MTAP: variants seen among roughly 807,000 people sequenced by gnomAD.
MTAP encodes the protein methylthioadenosine phosphorylase, also known as S-methyl-5'-thioadenosine phosphorylase.
A neutral mutation model predicts 33.6 loss-of-function variants in MTAP; 33 were observed. The observed-to-expected ratio is 0.98, with a 90% CI of 0.74 to 1.31. The LOEUF is 1.31. Among genes scored for constraint, MTAP ranks in the 40% most tolerant of loss-of-function variants. The probability of loss-of-function intolerance (pLI) is 0.00; values close to 1 mark genes in which losing one functional copy is unlikely to be tolerated. For synonymous variants in MTAP, 148 were observed against 125.7 expected, an observed-to-expected ratio of 1.18 and a Z score of -1.19; for missense variants, 367 against 360.0, an observed-to-expected ratio of 1.02 and a Z score of -0.16.
intron 1 of MTAP, chr9:21,812,094 C>T (rs1275875013): frequency 2.1e-5 from 5 of 235,332 alleles, no homozygotes; most frequent in Non-Finnish European, 3.4e-5. Flanking sequence ...AGTGGGCTCA[C>T]GCACCATGAG....
chr9:21,911,494 T>C lies in MTAP; in HGVS notation c.148-19514T>C, dbSNP rs997255745. On this transcript the variant is annotated intron_variant, in intron 1 of 1. Coordinates refer to the MTAP transcript ENST00000577563. ...AGAAACTCACACAAAACCGCTCAAC[T>C]ACATGTAAACTGAAGAACCTGCTCC... Among the ~76,000 whole-genome samples the C allele has an allele frequency of 3.3e-5, 5 of 152,158 alleles. No homozygotes were observed. In the South Asian group the frequency reaches 1.0e-3, roughly 32 times the overall value.
At chr9:21,858,614 C>G (rs1825686769) in intron 6 of MTAP, among the ~76,000 whole-genome samples, 1 of 152,164 alleles carries the variant, frequency 6.6e-6, no homozygotes, top group African/African-American at 2.4e-5. Flanking sequence ...GAGGATGCTG[C>G]TAAACCATTC....
intron 1 of MTAP, among the ~76,000 whole-genome samples, chr9:21,803,638 G>A (rs1219168882): frequency 6.6e-6 from 1 of 152,152 alleles, no homozygotes; most frequent in Non-Finnish European, 1.5e-5. Context: ...CTCCTGGTTA[G>A]TATTCCGAGA....
downstream of MTAP, among the ~76,000 whole-genome samples, chr9:21,938,813 A>C (rs1358041819): frequency 6.6e-6 from 1 of 152,230 alleles, no homozygotes; most frequent in Non-Finnish European, 1.5e-5. Context: ...TATGGAAAAT[A>C]TTGAAATGTG....
In MTAP at chr9:21,895,568, A is replaced by G. The variant is rs184341834; in HGVS notation, c.148-35440A>G. Among the ~76,000 whole-genome samples, 261 of 152,280 alleles carry G rather than the reference A, an allele frequency of 1.7e-3. 1 individual carries two copies. The South Asian group carries it at 0.025, about 14-fold the overall frequency. ...GGAATTCCCTTTCCTAGCAAGGGGA[A>G]GTTGTGACAGATGGTACCTGGAAAA... On this transcript the variant is annotated intron_variant, in intron 1 of 1. Transcript: ENST00000577563.
downstream of MTAP, among the ~76,000 whole-genome samples, chr9:21,868,194 A>C (rs1344971677): frequency 1.3e-5 from 2 of 152,320 alleles, no homozygotes; most frequent in East Asian, 3.9e-4. Flanking sequence ...TTTAATTGAT[A>C]TATTTTAAGG....
At chr9:21,909,665 A>G (rs1342930629) in intron 1 of MTAP, among the ~76,000 whole-genome samples, 2 of 152,112 alleles carry the variant, frequency 1.3e-5, no homozygotes, top group Non-Finnish European at 2.9e-5. Flanking sequence ...GAAAAGGGAG[A>G]GAAAGATTAA....
chr9:21,834,837 G>A (rs933924343), intron 4 of MTAP, among the ~76,000 whole-genome samples: 5 of 152,184 alleles, frequency 3.3e-5, no homozygotes, highest in South Asian at 2.1e-4. Flanking sequence ...GGACATCTTC[G>A]GAGGGGCCAT....
downstream of MTAP, among the ~76,000 whole-genome samples, chr9:21,867,720 G>A (rs151204612): frequency 2.5e-3 from 384 of 151,524 alleles, 4 homozygotes; most frequent in African/African-American, 8.3e-3. Flanking sequence ...AAAAGATGAC[G>A]ACAGCCTGAG....
At chr9:21,929,637 T>C (rs949002922) in intron 1 of MTAP, 7 of 298,974 alleles carry the variant, frequency 2.3e-5, no homozygotes, top group African/African-American at 4.2e-5. Context: ...ATCCAGCCTG[T>C]ACCAGAGATT....
At chr9:21,811,649 A>G (rs911887855) in intron 1 of MTAP, 1 of 522,612 alleles carries the variant, frequency 1.9e-6, no homozygotes, top group African/African-American at 1.9e-5. Flanking sequence ...GGCTCACTCA[A>G]ACTCTTCCTC....
At chr9:21,898,835 A>G (rs1028038964) in intron 1 of MTAP, among the ~76,000 whole-genome samples, 16 of 152,182 alleles carry the variant, frequency 1.1e-4, no homozygotes, top group African/African-American at 3.9e-4. Flanking sequence ...CGATTCCTCA[A>G]GGATCTAGAA....
chr9:21,897,094 G>T (rs187237788), intron 1 of MTAP, among the ~76,000 whole-genome samples: 1 of 152,090 alleles, frequency 6.6e-6, no homozygotes, highest in African/African-American at 2.4e-5. Context: ...ATCAATAAAC[G>T]TAATCCATTA....
At chr9:21,909,864 A>T (rs1001880117) in intron 1 of MTAP, among the ~76,000 whole-genome samples, 2 of 152,184 alleles carry the variant, frequency 1.3e-5, no homozygotes, top group Admixed American at 6.5e-5. Context: ...TCGGGATGTT[A>T]TGTAACTTGC....
chr9:21,855,007 A>G, intron 6 of MTAP, 137 bp downstream of exon 6: 1 of 1,193,366 alleles, frequency 8.4e-7, no homozygotes, highest in Non-Finnish European at 1.2e-6. Context: ...TATTTTCTGT[A>G]GTTCCATTGG....
intron 5 of MTAP, among the ~76,000 whole-genome samples, chr9:21,840,542 G>A (rs1206751367): frequency 2.6e-5 from 4 of 152,192 alleles, no homozygotes; most frequent in Non-Finnish European, 5.9e-5. Flanking sequence ...GATTTAGGGG[G>A]TTATGTGAAA....
chr9:21,861,465 C>T (rs1270243423), intron 7 of MTAP: 1 of 154,396 alleles, frequency 6.5e-6, no homozygotes, highest in Non-Finnish European at 1.4e-5. Flanking sequence ...CTAATAATCC[C>T]TTTTTCTGGG....
At chr9:21,802,930 C>A in intron 1 of MTAP, 149 bp downstream of exon 1, 1 of 1,429,478 alleles carries the variant, frequency 7.0e-7, no homozygotes, top group Non-Finnish European at 9.1e-7. Flanking sequence ...ACTCGGGACT[C>A]ACTTGCCGCG....
chr9:21,928,218 A>T (rs1244443334), intron 1 of MTAP, among the ~76,000 whole-genome samples: 1 of 152,234 alleles, frequency 6.6e-6, no homozygotes, highest in Admixed American at 6.5e-5. Flanking sequence ...TCAAGTGTTT[A>T]CTTGACTCAT....
Sources: allele counts gnomAD v4.1 joint callset (sites outside exome capture counted in the v4.1 genomes callset), GRCh38; gene constraint gnomAD v4.1.1; transcripts MANE v1.5; gene names NCBI Gene and HGNC (gene_info 2026-07-23, HGNC 2026-07-21).